The following NUP153 variants were observed in gnomAD, a reference collection of about 807,000 sequenced individuals.
The protein encoded by NUP153 is nucleoporin 153, also known as nuclear pore complex protein Nup153.
NUP153 carries 27 observed loss-of-function variants against 134.6 expected under a neutral mutation model. The ratio of observed to expected loss-of-function variants is 0.20; its 90% CI spans 0.15 to 0.28. The LOEUF is 0.28. Ranked by LOEUF, NUP153 falls within the 10% of genes least tolerant of loss-of-function variation. NUP153 has a pLI of 1.00. For synonymous variants in NUP153, 640 were observed against 623.5 expected (o/e 1.03, Z -0.40); for missense variants, 1,821 against 1,731.3 (o/e 1.05, Z -0.92).
chr6:17,652,431 T>C (rs560996624), intron 11 of NUP153, among the ~76,000 whole-genome samples: 2 of 151,966 alleles, frequency 1.3e-5, no homozygotes, highest in East Asian at 3.9e-4. Flanking sequence ...ATGGGTCAAA[T>C]ACAAAAATCA....
intron 16 of NUP153, among the ~76,000 whole-genome samples, chr6:17,635,914 C>T (rs1429064165): frequency 2.0e-5 from 3 of 152,238 alleles, no homozygotes; most frequent in South Asian, 2.1e-4. Flanking sequence ...TAACAAATTA[C>T]TTCCTGACTC....
chr6:17,679,592 C>A (rs1768453691), intron 2 of NUP153, among the ~76,000 whole-genome samples: 1 of 152,130 alleles, frequency 6.6e-6, no homozygotes, highest in Non-Finnish European at 1.5e-5. Flanking sequence ...AGTTGGAGGT[C>A]TCAAGCTTTC....
intron 2 of NUP153, among the ~76,000 whole-genome samples, chr6:17,681,453 C>T (rs554152459): frequency 1.1e-4 from 16 of 152,154 alleles, no homozygotes; most frequent in African/African-American, 3.4e-4. Context: ...GGTGTGGTGG[C>T]GGGCGCCTGT....
rs1321198992 is a variant in NUP153 at position 17,688,544 on chromosome 6, A to G, written c.186T>C (p.Asn62=). 6.2e-7 allele frequency: 1 copy of G among 1,613,996 alleles called. No homozygotes were observed. The highest frequency in any genetic ancestry group is 2.2e-5 in the East Asian group (1 of 44,890). ...PGWLQRYFNK[N]EDVCSCSTDT... ...CTGTTGAACAGCTGCATACATCTTC[A>G]TTCTTGTTGAAGTATCTTTGTAGCC... The change falls in exon 2 of 22, where the codon AAT becomes AAC. Residue 62 remains asparagine (N), a synonymous_variant. Coordinates refer to ENST00000262077, the MANE Select transcript of NUP153 (RefSeq NM_005124.4).
In NUP153 at chr6:17,616,615, C is replaced by T. The variant is rs951180822; in HGVS notation, c.4255G>A (p.Ala1419Thr). Residue 1419 changes from alanine (A) to threonine (T), a missense_variant, in exon 21 of 22, where the codon GCA becomes ACA. By Grantham distance (58) the Ala-to-Thr change is moderately conservative. Transcript: ENST00000262077. Reference protein sequence around the residue: ...NSPSGVFTFGANSSTPAASAQ... With the variant: ...NSPSGVFTFGTNSSTPAASAQ... ...GAGGCTGCAGGTGTGCTAGAATTTG[C>T]ACCAAATGTGAACACTCCTGATGGA... The T allele has an allele frequency of 1.9e-6, 3 of 1,614,184 alleles. No homozygotes were observed. Among genetic ancestry groups the T allele is most frequent in the East Asian group, 2.2e-5 (1 of 44,882 alleles).
chr6:17,695,524 CAT>C (rs1252100851), intron 1 of NUP153, among the ~76,000 whole-genome samples: 1 of 152,132 alleles, frequency 6.6e-6, no homozygotes, highest in Non-Finnish European at 1.5e-5. Flanking sequence ...TATTTATAAA[CAT>C]ATTTTTAATA....
rs1211467612 is a variant in NUP153, at chr6:17,688,561, T to G, written c.169A>C (p.Arg57=). Residue 57 remains arginine, a synonymous_variant, in exon 2 of 22, where the codon AGA becomes CGA. Transcript: ENST00000262077. ...ACATCTTCATTCTTGTTGAAGTATCTTTGTAGCCACCCTGGCACAATATTC... is the reference window on the plus strand; with the variant it reads ...ACATCTTCATTCTTGTTGAAGTATCGTTGTAGCCACCCTGGCACAATATTC... ...VKNIVPGWLQ[R]YFNKNEDVCS... is the part of the protein sequence containing the mutation. 2 of 1,614,166 alleles carry G rather than the reference T, an allele frequency of 1.2e-6. No homozygotes were observed.
At position 17,704,730 on chromosome 6, in the gene NUP153, CAA is replaced by C. The variant is rs10713867; in HGVS notation, c.111+1545_111+1546del. On this transcript the variant is annotated intron_variant, in intron 1 of 21. Transcript: ENST00000262077. ...AAAAACATTTAAGAAAACTAGAAGA[CAA>C]AAAAAAAAAAATTCCTCAAATCTTT... Among the ~76,000 whole-genome samples, 566 of 139,434 alleles carry C rather than the reference CAA, an allele frequency of 4.1e-3. 6 individuals carry two copies. Among genetic ancestry groups the C allele is most frequent in the South Asian group, 0.026 (118 of 4,572 alleles). 91.5% of individuals were successfully genotyped at this position (139,434 alleles called of 152,430 possible). A position where few individuals can be genotyped will look rare whatever the true frequency, so the allele number is the denominator to read the frequency against.
At chr6:17,634,588 G>C (rs764610591) in intron 16 of NUP153, among the ~76,000 whole-genome samples, 18 of 152,002 alleles carry the variant, frequency 1.2e-4, no homozygotes, top group Admixed American at 2.6e-4. Context: ...GGGCATCCAC[G>C]ACCACGCCCA....
In NUP153 at chr6:17,649,318, G is replaced by A; in HGVS notation, c.1396-18C>T. The A allele has an allele frequency of 6.2e-7, 1 of 1,600,152 alleles. No homozygotes were observed. The highest frequency in any genetic ancestry group is 8.5e-7 in the Non-Finnish European group (1 of 1,173,828). ...TCCATTTCCTAAAACATAACATGTTGCATGATATATTTCATCTTTCACATC... is the reference window on the plus strand; with the variant it reads ...TCCATTTCCTAAAACATAACATGTTACATGATATATTTCATCTTTCACATC... On this transcript the variant is annotated intron_variant, in intron 11 of 21. Coordinates refer to ENST00000262077, the MANE Select transcript of NUP153 (RefSeq NM_005124.4).
At chr6:17,661,588 C>T in intron 11 of NUP153, 65 bp downstream of exon 11, 2 of 1,526,032 alleles carry the variant, frequency 1.3e-6, no homozygotes, top group Non-Finnish European at 1.8e-6. Context: ...ACAGGTCTCC[C>T]CTTACCACCA....
intron 17 of NUP153, among the ~76,000 whole-genome samples, chr6:17,631,348 C>T (rs1263836739): frequency 2.0e-5 from 3 of 152,116 alleles, no homozygotes; most frequent in Non-Finnish European, 4.4e-5. Flanking sequence ...ATAAAGCTTG[C>T]TATTATTTTT....
intron 2 of NUP153, 88 bp downstream of exon 2, chr6:17,688,308 T>G: frequency 1.1e-6 from 1 of 925,846 alleles, no homozygotes; most frequent in East Asian, 2.5e-5. Context: ...ATGTACCGCC[T>G]GATTAGATTT....
intron 20 of NUP153, among the ~76,000 whole-genome samples, chr6:17,618,560 CTCT>C (rs143797364): frequency 9.5e-6 from 1 of 104,950 alleles, no homozygotes; most frequent in African/African-American, 4.3e-5. Context: ...GTTAAAATCT[CTCT>C]TTTTTTTTTT....
chr6:17,645,319 G>A (rs1766099743), intron 14 of NUP153, among the ~76,000 whole-genome samples: 1 of 151,102 alleles, frequency 6.6e-6, no homozygotes, highest in Non-Finnish European at 1.5e-5. Flanking sequence ...TTTTGAGATA[G>A]GGTCTTGCTC....
intron 1 of NUP153, among the ~76,000 whole-genome samples, chr6:17,693,627 C>T (rs1450421621): frequency 1.4e-4 from 22 of 152,088 alleles, no homozygotes; most frequent in Non-Finnish European, 1.5e-5. Context: ...TGGCTCACGC[C>T]TGTAATCCCA....
At position 17,640,074 on chromosome 6, in the gene NUP153, T is replaced by C. The variant is rs1345887797; in HGVS notation, c.1721-10A>G. On this transcript the variant is annotated splice_polypyrimidine_tract_variant and intron_variant, in intron 14 of 21. Transcript: ENST00000262077. ...GTAGTGACATGATGAGCTGTAATTT[T>C]TTTAAATTTAATAACATTATGCCAA... The C allele has an allele frequency of 2.1e-5, 32 of 1,538,626 alleles. No homozygotes were observed. Among genetic ancestry groups the C allele is most frequent in the African/African-American group, 2.8e-5 (2 of 71,462 alleles).
intron 21 of NUP153, 101 bp from the exon 22 acceptor site, chr6:17,616,282 T>TTGGGGG: frequency 3.0e-6 from 1 of 332,090 alleles, no homozygotes; most frequent in Non-Finnish European, 5.4e-6. Context: ...GGGGGTCGGG[T>TTGGGGG]GGGGGGGGAG....
At chr6:17,669,567 T>TAATA (rs763448251) in intron 5 of NUP153, 21 bp from the exon 6 acceptor site, 1 of 1,473,132 alleles carries the variant, frequency 6.8e-7, no homozygotes, top group Non-Finnish European at 9.5e-7. Context: ...AACCCTATAT[T>TAATA]ATTTGTTGCA....
Sources: allele counts gnomAD v4.1 joint callset (sites outside exome capture counted in the v4.1 genomes callset), GRCh38; gene constraint gnomAD v4.1.1; transcripts MANE v1.5; gene names NCBI Gene and HGNC (gene_info 2026-07-23, HGNC 2026-07-21).